The following MAP2 variants were observed in gnomAD, a reference collection of about 807,000 sequenced individuals.
The protein encoded by MAP2 is microtubule-associated protein 2.
Under a neutral mutation model 137.6 loss-of-function variants are expected in MAP2, and 14 were observed. That is an observed-to-expected ratio of 0.10 (90% CI 0.07 to 0.16). The LOEUF is 0.16. Among genes scored for constraint, MAP2 ranks in the 10% least tolerant of loss-of-function variants. The pLI, the probability that MAP2 is intolerant of heterozygous loss-of-function variation, is 1.00. For missense variants in MAP2, 2,088 were observed against 2,191.5 expected (o/e 0.95, Z 0.94); for synonymous variants, 786 against 782.3 (o/e 1.00, Z -0.08).
intron 11 of MAP2, among the ~76,000 whole-genome samples, chr2:209,700,823 T>A (rs1031491461): frequency 6.6e-6 from 1 of 152,098 alleles, no homozygotes; most frequent in African/African-American, 2.4e-5. Context: ...AAATCCTAAT[T>A]TTTTTCTATA....
chr2:209,718,955 T>G (rs989708369), intron 13 of MAP2, among the ~76,000 whole-genome samples: 4 of 152,198 alleles, frequency 2.6e-5, no homozygotes, highest in African/African-American at 9.7e-5. Flanking sequence ...ATAGTTTGTT[T>G]TACTATAGGA....
chr2:209,672,326 A>C (rs1430649045), intron 5 of MAP2, among the ~76,000 whole-genome samples: 1 of 151,920 alleles, frequency 6.6e-6, no homozygotes, highest in Non-Finnish European at 1.5e-5. Flanking sequence ...GAATAATCTC[A>C]GTGTCTGACA....
chr2:209,532,358 T>G (rs980712327), intron 2 of MAP2, among the ~76,000 whole-genome samples: 6 of 152,294 alleles, frequency 3.9e-5, no homozygotes, highest in Non-Finnish European at 7.4e-5. Context: ...TTCATCATCC[T>G]CATTTTCTTT....
At chr2:209,514,061 A>G (rs1359983555) in intron 2 of MAP2, among the ~76,000 whole-genome samples, 1 of 152,158 alleles carries the variant, frequency 6.6e-6, no homozygotes, top group Non-Finnish European at 1.5e-5. Flanking sequence ...TGATTCTGGA[A>G]GCCTTGTATT....
At chr2:209,721,458 G>T (rs1179064365) in intron 13 of MAP2, among the ~76,000 whole-genome samples, 1 of 152,190 alleles carries the variant, frequency 6.6e-6, no homozygotes, top group Admixed American at 6.5e-5. Flanking sequence ...TGCAAGAGAG[G>T]CAAGCAGGTT....
chr2:209,696,406 T>G (rs2060199057), intron 8 of MAP2, 56 bp downstream of exon 8: 1 of 1,507,594 alleles, frequency 6.6e-7, no homozygotes, highest in Non-Finnish European at 8.9e-7. Flanking sequence ...TATGGGAATT[T>G]TTTTTCACTT....
At chr2:209,675,501 G>GTAA (rs1301840128) in intron 5 of MAP2, among the ~76,000 whole-genome samples, 1 of 151,782 alleles carries the variant, frequency 6.6e-6, no homozygotes, top group Admixed American at 6.6e-5. Flanking sequence ...CTGGAGACAG[G>GTAA]TAATACTTCT....
chr2:209,468,342 A>G (rs1440754237), intron 1 of MAP2, among the ~76,000 whole-genome samples: 1 of 87,698 alleles, frequency 1.1e-5, no homozygotes, highest in African/African-American at 4.3e-5. Flanking sequence ...TTTTTTTGAG[A>G]CGGAGTCTTG....
chr2:209,558,931 A>C (rs1214632210), intron 2 of MAP2, among the ~76,000 whole-genome samples: 1 of 151,574 alleles, frequency 6.6e-6, no homozygotes, highest in East Asian at 1.9e-4. Flanking sequence ...ACTTTTTATC[A>C]ATTTACTTGT....
chr2:209,448,074 C>T (rs1699505107), intron 1 of MAP2, among the ~76,000 whole-genome samples: 1 of 152,050 alleles, frequency 6.6e-6, no homozygotes, highest in Non-Finnish European at 1.5e-5. Flanking sequence ...CCTTAATGTG[C>T]AGTATCATCC....
chr2:209,483,662 G>A (rs1272190721), intron 1 of MAP2, among the ~76,000 whole-genome samples: 1 of 152,288 alleles, frequency 6.6e-6, no homozygotes, highest in East Asian at 1.9e-4. Flanking sequence ...TATGGGTCTT[G>A]TTTATCTACA....
At chr2:209,459,865 C>T (rs1357083292) in intron 1 of MAP2, among the ~76,000 whole-genome samples, 1 of 152,106 alleles carries the variant, frequency 6.6e-6, no homozygotes, top group Non-Finnish European at 1.5e-5. Flanking sequence ...TTCCATGGAG[C>T]TTCTATTCTT....
intron 1 of MAP2, among the ~76,000 whole-genome samples, chr2:209,441,339 T>A (rs1697716647): frequency 7.2e-6 from 1 of 138,258 alleles, no homozygotes; most frequent in Non-Finnish European, 1.5e-5. Context: ...AAGTCTTAAT[T>A]CATCAGGCGT....
chr2:209,663,963 G>A (rs1323812959), intron 5 of MAP2, among the ~76,000 whole-genome samples: 3 of 152,186 alleles, frequency 2.0e-5, no homozygotes, highest in Admixed American at 6.5e-5. Context: ...CTACAGCAAA[G>A]GTTCTCGGAA....
chr2:209,572,871 A>G (rs2074631962), intron 2 of MAP2, among the ~76,000 whole-genome samples: 1 of 152,228 alleles, frequency 6.6e-6, no homozygotes, highest in African/African-American at 2.4e-5. Flanking sequence ...TTTATCCTTT[A>G]GATGCTTAGT....
At chr2:209,507,440 C>T (rs1235175649) in intron 1 of MAP2, among the ~76,000 whole-genome samples, 152 bp from the exon 2 acceptor site, 1 of 151,736 alleles carries the variant, frequency 6.6e-6, no homozygotes. Context: ...TATACATAAC[C>T]GTCACGTATT....
At chr2:209,531,932 TTGAC>T (rs1334412977) in intron 2 of MAP2, among the ~76,000 whole-genome samples, 1 of 152,116 alleles carries the variant, frequency 6.6e-6, no homozygotes, top group Non-Finnish European at 1.5e-5. Flanking sequence ...TTTCCTCACT[TTGAC>T]TAACTAGAAA....
rs143422703 is a variant in MAP2 at position 209,623,549 on chromosome 2, A to G, written c.-106-1504A>G. On this transcript the variant is annotated intron_variant, in intron 3 of 15. Transcript: ENST00000682079. ...TATTCTATCCAGCATTCATTTGTTA[A>G]GTACACAAAGACTCTTTCTATCCAA... 1.6e-3 allele frequency among the ~76,000 whole-genome samples: 245 copies of G among 152,296 alleles called. 1 individual carries two copies. The highest frequency in any genetic ancestry group is 2.8e-3 in the Non-Finnish European group (188 of 68,012).
Position 209,732,068 on chromosome 2 carries a change from A to C in MAP2, c.*1671A>C, listed in dbSNP as rs1484377274. ...TACCAGGCTAGATGGACACTTTTTA[A>C]AAATTTTATCTGTTCTTTTTCTTGC... On this transcript the variant is annotated 3_prime_UTR_variant, in exon 16 of 16. Coordinates refer to ENST00000682079, the MANE Select transcript of MAP2 (RefSeq NM_001375505.1). 2 of 152,228 alleles carry C rather than the reference A, an allele frequency of 1.3e-5. No individual in the cohort carries two copies. The highest frequency in any genetic ancestry group is 2.9e-5 in the Non-Finnish European group (2 of 68,052). 9.4% of individuals were successfully genotyped at this position (152,228 alleles called of 1,614,324 possible). A position where few individuals can be genotyped will look rare whatever the true frequency, so the allele number is the denominator to read the frequency against.
Sources: gnomAD v4.1 joint callset for allele counts (sites outside exome capture counted in the v4.1 genomes callset) on GRCh38, gnomAD v4.1.1 for gene constraint, MANE v1.5 for transcripts, NCBI Gene and HGNC (gene_info 2026-07-23, HGNC 2026-07-21) for gene names.